Variants in KAT2B observed in about 807,000 individuals in gnomAD.
KAT2B encodes the protein histone acetyltransferase KAT2B.
KAT2B carries 36 observed loss-of-function variants against 105.9 expected under a neutral mutation model. That is an observed-to-expected ratio of 0.34 (90% CI 0.26 to 0.45). The LOEUF is 0.45. Ranked by LOEUF, KAT2B falls within the 20% of genes least tolerant of loss-of-function variation. The probability of loss-of-function intolerance (pLI) is 1.00; values close to 1 mark genes in which losing one functional copy is unlikely to be tolerated. For missense variants in KAT2B, 820 were observed against 1,021.6 expected, an observed-to-expected ratio of 0.80 and a Z score of 2.69; for synonymous variants, 397 against 377.9, an observed-to-expected ratio of 1.05 and a Z score of -0.59.
chr3:20,145,043 C>G (rs1268365189), intron 13 of KAT2B, among the ~76,000 whole-genome samples: 1 of 152,118 alleles, frequency 6.6e-6, no homozygotes, highest in Non-Finnish European at 1.5e-5. Context: ...GTGATCCACC[C>G]ACCTCGGCCT....
At chr3:20,073,411 G>A (rs1335948100) in intron 2 of KAT2B, among the ~76,000 whole-genome samples, 1 of 152,166 alleles carries the variant, frequency 6.6e-6, no homozygotes, top group Admixed American at 6.5e-5. Context: ...AAGAAATGGT[G>A]TCGCCTCCAA....
In KAT2B at chr3:20,127,434, C is replaced by T. The variant is rs770798889; in HGVS notation, c.1634C>T (p.Thr545Ile). Residue 545 changes from threonine to isoleucine, a missense_variant, in exon 11 of 18, where the codon ACC becomes ATC. Transcript: ENST00000263754. ...TCTTATTCTTTCAGGAAACACAAAA[C>T]CCTTGCTTTAATTAAAGATGGCCGT... ...TRLVFDPKHK[T>I]LALIKDGRVI... is the part of the protein sequence containing the mutation. 1.9e-6 allele frequency: 3 copies of T among 1,612,662 alleles called. No individual in the cohort carries two copies. Among genetic ancestry groups the T allele is most frequent in the Non-Finnish European group, 2.5e-6 (3 of 1,178,842 alleles).
At chr3:20,131,684 C>T (rs1042502666) in intron 11 of KAT2B, among the ~76,000 whole-genome samples, 2 of 152,152 alleles carry the variant, frequency 1.3e-5, no homozygotes, top group African/African-American at 4.8e-5. Flanking sequence ...CCTCCTACCT[C>T]AGCATTCTGA....
intron 1 of KAT2B, among the ~76,000 whole-genome samples, chr3:20,065,184 T>C (rs528862446): frequency 6.6e-6 from 1 of 152,302 alleles, no homozygotes; most frequent in Non-Finnish European, 1.5e-5. Flanking sequence ...CCTTTTCTTC[T>C]TTCTTGGTTC....
intron 1 of KAT2B, among the ~76,000 whole-genome samples, chr3:20,046,751 C>T (rs1245134391): frequency 1.3e-5 from 2 of 152,090 alleles, no homozygotes; most frequent in South Asian, 2.1e-4. Flanking sequence ...TCAGTCACTC[C>T]CCCAGAGAGC....
intron 10 of KAT2B, 35 bp from the exon 11 acceptor site, chr3:20,127,388 A>G: frequency 1.3e-6 from 2 of 1,582,292 alleles, no homozygotes; most frequent in Non-Finnish European, 1.7e-6. Context: ...TATAACTAGG[A>G]TAGGTAAAAC....
chr3:20,114,206 A>G (rs1699168350), intron 6 of KAT2B, among the ~76,000 whole-genome samples: 1 of 152,174 alleles, frequency 6.6e-6, no homozygotes, highest in Admixed American at 6.5e-5. Flanking sequence ...TTTAGTTTAA[A>G]GTTAGCATAG....
chr3:20,051,666 A>C (rs2125166468), intron 1 of KAT2B, among the ~76,000 whole-genome samples: 1 of 152,232 alleles, frequency 6.6e-6, no homozygotes, highest in Admixed American at 6.5e-5. Flanking sequence ...ATTAAATGCC[A>C]CCCTCTCCCC....
intron 1 of KAT2B, among the ~76,000 whole-genome samples, chr3:20,067,062 G>T (rs1698235114): frequency 6.6e-6 from 1 of 152,096 alleles, no homozygotes; most frequent in African/African-American, 2.4e-5. Flanking sequence ...TTCACCCCAT[G>T]TTGTCTCCCT....
At chr3:20,043,480 G>C (rs1559508046) in intron 1 of KAT2B, among the ~76,000 whole-genome samples, 1 of 152,158 alleles carries the variant, frequency 6.6e-6, no homozygotes, top group Non-Finnish European at 1.5e-5. Context: ...CTGGGGCACT[G>C]GTAGGGTGGG....
chr3:20,080,379 C>T (rs1281806574), intron 2 of KAT2B, among the ~76,000 whole-genome samples: 2 of 152,272 alleles, frequency 1.3e-5, no homozygotes, highest in East Asian at 3.9e-4. Flanking sequence ...TCATTTTCTG[C>T]CAGGGAATTC....
chr3:20,062,449 TA>T (rs1698153919), intron 1 of KAT2B, among the ~76,000 whole-genome samples: 1 of 127,088 alleles, frequency 7.9e-6, no homozygotes, highest in Non-Finnish European at 1.6e-5. Context: ...ATATAGAAAT[TA>T]TATATATTTT....
chr3:20,061,394 G>A (rs537202886), intron 1 of KAT2B, among the ~76,000 whole-genome samples: 2 of 152,130 alleles, frequency 1.3e-5, no homozygotes, highest in African/African-American at 4.8e-5. Flanking sequence ...TGCTGGGGTT[G>A]CTTGGACCTT....
At chr3:20,138,752 G>C (rs1033272086) in intron 12 of KAT2B, among the ~76,000 whole-genome samples, 3 of 151,972 alleles carry the variant, frequency 2.0e-5, no homozygotes, top group Non-Finnish European at 4.4e-5. Flanking sequence ...GTTGTACATT[G>C]ATTTGTGAGA....
intron 1 of KAT2B, among the ~76,000 whole-genome samples, chr3:20,042,468 T>G (rs985418145): frequency 1.3e-5 from 2 of 152,106 alleles, no homozygotes; most frequent in African/African-American, 4.8e-5. Context: ...GCTTGGGTGA[T>G]GACTACACCA....
intron 12 of KAT2B, among the ~76,000 whole-genome samples, chr3:20,139,348 C>T (rs552891924): frequency 1.3e-5 from 2 of 152,212 alleles, no homozygotes; most frequent in South Asian, 2.1e-4. Context: ...GTAAAACTCA[C>T]TGAGAACTTA....
intron 2 of KAT2B, among the ~76,000 whole-genome samples, chr3:20,090,695 GCT>G (rs1698701417): frequency 6.6e-6 from 1 of 151,896 alleles, no homozygotes; most frequent in Non-Finnish European, 1.5e-5. Context: ...TTAGTATAAT[GCT>G]GACCTTGTAA....
At chr3:20,088,151 T>A (rs1171209216) in intron 2 of KAT2B, among the ~76,000 whole-genome samples, 1 of 152,196 alleles carries the variant, frequency 6.6e-6, no homozygotes, top group Non-Finnish European at 1.5e-5. Flanking sequence ...CATTCATTTG[T>A]TGGGGTGGAC....
At chr3:20,071,366 A>G (rs1698319053) in intron 1 of KAT2B, among the ~76,000 whole-genome samples, 1 of 152,216 alleles carries the variant, frequency 6.6e-6, no homozygotes, top group Non-Finnish European at 1.5e-5. Flanking sequence ...TTTCCCAGCC[A>G]CAGCTGACTT....
Sources: allele counts gnomAD v4.1 joint callset (sites outside exome capture counted in the v4.1 genomes callset), GRCh38; gene constraint gnomAD v4.1.1; transcripts MANE v1.5; gene names NCBI Gene and HGNC (gene_info 2026-07-23, HGNC 2026-07-21).